FBXL2: variants seen among roughly 807,000 people sequenced by gnomAD.
The protein encoded by FBXL2 is F-box and leucine rich repeat protein 2, also known as F-box/LRR-repeat protein 2.
FBXL2 carries 38 observed loss-of-function variants against 69.2 expected under a neutral mutation model. The ratio of observed to expected loss-of-function variants is 0.55; its 90% CI spans 0.42 to 0.72. The LOEUF is 0.72. Among genes scored for constraint, FBXL2 ranks in the 30% least tolerant of loss-of-function variants. The probability of loss-of-function intolerance (pLI) is 0.00; values close to 1 mark genes in which losing one functional copy is unlikely to be tolerated. For missense variants in FBXL2, 354 were observed against 520.3 expected, an observed-to-expected ratio of 0.68 and a Z score of 3.11; for synonymous variants, 192 against 201.3, an observed-to-expected ratio of 0.95 and a Z score of 0.39.
In FBXL2 at chr3:33,385,794, ACAAT is replaced by A. The variant is rs1431750549; in HGVS notation, c.*190_*193del. ...GTTTTCACCTTTATTCTGCTGTGAA[ACAAT>A]CAAATCAAAGCCTTGTGTCAGTTAA... is the stretch of plus-strand genomic sequence containing the variant. On this transcript the variant is annotated 3_prime_UTR_variant, in exon 15 of 15. Coordinates refer to ENST00000484457, the MANE Select transcript of FBXL2 (RefSeq NM_012157.5). 1.2e-5 allele frequency: 7 copies of A among 598,846 alleles called. No homozygotes were observed. The highest frequency in any genetic ancestry group is 5.6e-5 in the African/African-American group (3 of 53,836). The allele number at this position is 598,846 out of a possible 1,614,324, so 37.1% of individuals were successfully genotyped here.
intron 2 of FBXL2, among the ~76,000 whole-genome samples, chr3:33,352,750 GC>G (rs1279026057): frequency 6.6e-6 from 1 of 152,088 alleles, no homozygotes; most frequent in Non-Finnish European, 1.5e-5. Flanking sequence ...ACAAAAATTA[GC>G]TGGGTGTGGT....
chr3:33,326,225 G>T (rs2038675517), intron 2 of FBXL2, among the ~76,000 whole-genome samples: 1 of 152,120 alleles, frequency 6.6e-6, no homozygotes, highest in Non-Finnish European at 1.5e-5. Context: ...TAGAGGCCAG[G>T]TGCAGTGGCT....
At chr3:33,334,455 T>C (rs1380599148) in intron 2 of FBXL2, among the ~76,000 whole-genome samples, 1 of 152,166 alleles carries the variant, frequency 6.6e-6, no homozygotes, top group Non-Finnish European at 1.5e-5. Flanking sequence ...AAGAAAGGAT[T>C]AGTGAACTTG....
At chr3:33,330,914 A>AAC (rs112591010) in intron 2 of FBXL2, among the ~76,000 whole-genome samples, 3,129 of 149,238 alleles carry the variant, frequency 0.021, 58 homozygotes, top group Admixed American at 0.056. Context: ...CACACACACA[A>AAC]ACACACACAC....
chr3:33,308,231 C>G (rs964917456), intron 2 of FBXL2, among the ~76,000 whole-genome samples: 27 of 152,226 alleles, frequency 1.8e-4, no homozygotes, highest in African/African-American at 6.0e-4. Flanking sequence ...CCAGGCTCAT[C>G]TCATATAGTC....
Position 33,375,289 on chromosome 3 carries a change from G to T in FBXL2, c.659G>T (p.Arg220Leu). 1 of 1,613,392 alleles carries T rather than the reference G, an allele frequency of 6.2e-7. No homozygotes were observed. The highest frequency in any genetic ancestry group is 8.5e-7 in the Non-Finnish European group (1 of 1,179,394). ...TCTTTCTGTGCTGCTTTTCCTCAGC[G>T]TATCACGGATGAAGGTGTGGTGCAG... ...LVSLNLQSCS[R>L]ITDEGVVQIC... Residue 220 changes from arginine to leucine, a missense_variant and splice_region_variant, in exon 10 of 15, where the codon CGT becomes CTT. By Grantham distance (102) the Arg-to-Leu change is moderately radical. Coordinates refer to ENST00000484457, the MANE Select transcript of FBXL2 (RefSeq NM_012157.5).
At chr3:33,419,681 G>A in the FBXL2 span, among the ~76,000 whole-genome samples, 1 of 150,826 alleles carries the variant, frequency 6.6e-6, no homozygotes, top group African/African-American at 2.4e-5. Flanking sequence ...CACTTGCTAC[G>A]CTTAAAGTGG....
At chr3:33,287,170 A>AT (rs1013181586) in intron 1 of FBXL2, among the ~76,000 whole-genome samples, 18 of 151,620 alleles carry the variant, frequency 1.2e-4, no homozygotes, top group East Asian at 3.9e-4. Flanking sequence ...CCCTAAAGTG[A>AT]TTTTTTTTTA....
chr3:33,387,082 A>AGAG lies in FBXL2; in HGVS notation c.*1475_*1477dup, dbSNP rs2043493783. The AGAG allele has an allele frequency of 6.6e-6, 1 of 152,210 alleles. No individual in the cohort carries two copies. The highest frequency in any genetic ancestry group is 6.5e-5 in the Admixed American group (1 of 15,282). 9.4% of individuals were successfully genotyped at this position (152,210 alleles called of 1,614,324 possible). On this transcript the variant is annotated 3_prime_UTR_variant, in exon 15 of 15. Transcript: ENST00000484457. Reference sequence around the variant, plus strand: ...AAACGGACTTAGCACAATTATCATCAGAGTAAGCATTAAAGTCATTTTATT... The same window carrying AGAG: ...AAACGGACTTAGCACAATTATCATCAGAGGAGTAAGCATTAAAGTCATTTTATT...
At chr3:33,382,315 T>C (rs149238482) in intron 13 of FBXL2, among the ~76,000 whole-genome samples, 1 of 152,214 alleles carries the variant, frequency 6.6e-6, no homozygotes, top group Non-Finnish European at 1.5e-5. Context: ...TATAGATCAA[T>C]GCATTTCCAT....
At chr3:33,409,618 G>A in the FBXL2 span, 2 of 1,613,948 alleles carry the variant, frequency 1.2e-6, no homozygotes, top group Non-Finnish European at 1.7e-6. Context: ...AACGATTCAG[G>A]CTGAAATGGA....
chr3:33,320,701 G>A (rs980454998), intron 2 of FBXL2, among the ~76,000 whole-genome samples: 3 of 151,846 alleles, frequency 2.0e-5, no homozygotes, highest in South Asian at 2.1e-4. Context: ...GGCTGATCTC[G>A]AACTCCTGAC....
rs1408130570 is a variant in FBXL2, at chr3:33,307,880, AT to A, written c.65+10162del. Reference sequence around the variant, plus strand: ...TCATCCTCTGAAGGTGACCACATAGATTTTTTTAAAAAGTTATAAATTTATG... The same window carrying A: ...TCATCCTCTGAAGGTGACCACATAGATTTTTTAAAAAGTTATAAATTTATG... On this transcript the variant is annotated intron_variant, in intron 2 of 14. Transcript: ENST00000484457. 2.6e-5 allele frequency among the ~76,000 whole-genome samples: 4 copies of A among 152,252 alleles called. No homozygotes were observed. In the East Asian group the frequency reaches 7.7e-4, roughly 29 times the overall value.
chr3:33,354,732 C>A (rs987281896), intron 2 of FBXL2, among the ~76,000 whole-genome samples: 1 of 152,002 alleles, frequency 6.6e-6, no homozygotes, highest in Non-Finnish European at 1.5e-5. Flanking sequence ...TTGTATTTAT[C>A]ATTGTACTAG....
chr3:33,377,135 T>G, intron 10 of FBXL2, 138 bp from the exon 11 acceptor site: 1 of 763,682 alleles, frequency 1.3e-6, no homozygotes, highest in South Asian at 1.7e-5. Flanking sequence ...TTTGGGCAGG[T>G]CACATTCCCT....
Position 33,277,472 on chromosome 3 carries a change from G to T in FBXL2, c.-41G>T. The T allele has an allele frequency of 1.6e-6, 2 of 1,275,722 alleles. No homozygotes were observed. The highest frequency in any genetic ancestry group is 2.0e-6 in the Non-Finnish European group (2 of 1,003,586). 79.0% of individuals were successfully genotyped at this position (1,275,722 alleles called of 1,614,324 possible). A position where few individuals can be genotyped will look rare whatever the true frequency, so the allele number is the denominator to read the frequency against. On this transcript the variant is annotated 5_prime_UTR_variant, in exon 1 of 15. Transcript: ENST00000484457. The stretch of plus-strand genomic sequence containing the variant: ...CAGGACAACGGGCGTCGCCGGCGCC[G>T]TGTGACTTCGGGCTGTGGGCTCGCT...
rs772380136 is a variant in FBXL2 at position 33,373,613 on chromosome 3, CTT to C, written c.492_493del (p.Trp165ValfsTer2). 1.2e-6 allele frequency: 2 copies of C among 1,614,186 alleles called. No individual in the cohort carries two copies. Among genetic ancestry groups the C allele is most frequent in the Non-Finnish European group, 1.7e-6 (2 of 1,180,038 alleles). ...CGAAACCTGGAGTACCTGAACCTCT[CTT>C]GGTGTGATCAGATCACGAAGGATGG... On this transcript the variant is annotated frameshift_variant, in exon 8 of 15. Transcript: ENST00000484457. LOFTEE classifies it high-confidence loss of function.
chr3:33,285,736 ATTTCT>A (rs755266163), intron 1 of FBXL2, among the ~76,000 whole-genome samples: 32 of 152,020 alleles, frequency 2.1e-4, no homozygotes, highest in Non-Finnish European at 2.9e-4. Flanking sequence ...GGCTTTGTTC[ATTTCT>A]TTTCTTTTTT....
At chr3:33,412,838 AG>A in the FBXL2 span, 1 of 1,594,110 alleles carries the variant, frequency 6.3e-7, no homozygotes, top group East Asian at 2.2e-5. Flanking sequence ...CTGTGGAATA[AG>A]TGCGGAAAAT....
Sources: allele counts gnomAD v4.1 joint callset (sites outside exome capture counted in the v4.1 genomes callset), GRCh38; gene constraint gnomAD v4.1.1; transcripts MANE v1.5; gene names NCBI Gene and HGNC (gene_info 2026-07-23, HGNC 2026-07-21).